Variants in ZNF106 observed in about 807,000 individuals in gnomAD.
ZNF106 encodes zinc finger protein 106.
Under a neutral mutation model 195.1 loss-of-function variants are expected in ZNF106, and 67 were observed. The ratio of observed to expected loss-of-function variants is 0.34; its 90% CI spans 0.28 to 0.42. ZNF106 has a LOEUF of 0.42. Among genes scored for constraint, ZNF106 ranks in the 10% least tolerant of loss-of-function variants. The pLI is 1.00. For synonymous variants in ZNF106, 784 were observed against 818.6 expected (o/e 0.96, Z 0.72); for missense variants, 2,118 against 2,304.5 (o/e 0.92, Z 1.66).
At chr15:42,476,760 A>G (rs936883186) in intron 1 of ZNF106, among the ~76,000 whole-genome samples, 11 of 152,124 alleles carry the variant, frequency 7.2e-5, no homozygotes, top group African/African-American at 2.7e-4. Context: ...TCTCAGGGGT[A>G]GCAGAGGCAG....
chr15:42,451,753 A>G lies in ZNF106; in HGVS notation c.519T>C (p.Ser173=). The change falls in exon 5 of 22, where the codon TCT becomes TCC. Residue 173 remains serine (S), a synonymous_variant. Transcript: ENST00000564754. The part of the protein sequence containing the change: ...NNTRKNSFPH[S]LRNGGGPRGR... ...CTCTTGGTCCACCACCATTCCTCAAAGAATGTGGAAAGCTGTTTTTCCTAG... is the reference window on the plus strand; with the variant it reads ...CTCTTGGTCCACCACCATTCCTCAAGGAATGTGGAAAGCTGTTTTTCCTAG... 1.2e-6 allele frequency: 2 copies of G among 1,614,214 alleles called. No individual in the cohort carries two copies. Among genetic ancestry groups the G allele is most frequent in the Middle Eastern group, 1.6e-4 (1 of 6,062 alleles).
At chr15:42,448,847 G>C in intron 5 of ZNF106, 142 bp from the exon 6 acceptor site, 1 of 750,094 alleles carries the variant, frequency 1.3e-6, no homozygotes, top group Non-Finnish European at 2.1e-6. Context: ...TCACAGTCTA[G>C]TCAGTGGTAC....
intron 1 of ZNF106, among the ~76,000 whole-genome samples, chr15:42,475,307 T>C (rs960783496): frequency 3.9e-5 from 6 of 152,152 alleles, no homozygotes; most frequent in African/African-American, 1.4e-4. Flanking sequence ...CTGGGTATGG[T>C]GGCACGTGCC....
chr15:42,452,555 C>T (rs1258418343), intron 4 of ZNF106, among the ~76,000 whole-genome samples: 2 of 151,884 alleles, frequency 1.3e-5, no homozygotes. Flanking sequence ...CATTTATATT[C>T]CCTCCCTTTC....
intron 18 of ZNF106, 35 bp from the exon 19 acceptor site, chr15:42,422,023 T>C: frequency 3.2e-6 from 5 of 1,552,118 alleles, no homozygotes; most frequent in Non-Finnish European, 4.4e-6. Context: ...ATTGAAGTTA[T>C]TTATACCTTG....
intron 14 of ZNF106, among the ~76,000 whole-genome samples, chr15:42,432,707 T>TA (rs36106729): frequency 0.015 from 1,911 of 123,976 alleles, 27 homozygotes; most frequent in East Asian, 0.045. Context: ...ACCGTATTTC[T>TA]AAAAAAAAAA....
At chr15:42,422,148 T>G (rs1324497937) in intron 18 of ZNF106, among the ~76,000 whole-genome samples, 160 bp from the exon 19 acceptor site, 1 of 152,172 alleles carries the variant, frequency 6.6e-6, no homozygotes, top group Non-Finnish European at 1.5e-5. Context: ...GCAATTTTTC[T>G]TTTACATTCT....
intron 20 of ZNF106, among the ~76,000 whole-genome samples, chr15:42,418,455 C>T (rs548009933): frequency 1.6e-4 from 24 of 151,188 alleles, no homozygotes; most frequent in South Asian, 6.3e-4. Flanking sequence ...GCCCCCTGCC[C>T]CCTGGGTTCA....
intron 10 of ZNF106, 199 bp downstream of exon 10, chr15:42,441,874 G>A: frequency 2.3e-6 from 1 of 429,916 alleles, no homozygotes; most frequent in Non-Finnish European, 4.1e-6. Flanking sequence ...GGAAATGAAA[G>A]AAAATGACTG....
At chr15:42,467,116 A>C (rs2056536484) in intron 2 of ZNF106, among the ~76,000 whole-genome samples, 1 of 152,184 alleles carries the variant, frequency 6.6e-6, no homozygotes, top group South Asian at 2.1e-4. Context: ...CTGGCGACAG[A>C]ACGAGACTCC....
At chr15:42,422,745 G>A in intron 17 of ZNF106, 125 bp from the exon 18 acceptor site, 10 of 943,848 alleles carry the variant, frequency 1.1e-5, no homozygotes, top group Non-Finnish European at 1.2e-5. Flanking sequence ...ACAATTAATT[G>A]TATTAACTGT....
chr15:42,437,207 C>A, intron 13 of ZNF106, 25 bp downstream of exon 13: 1 of 1,587,566 alleles, frequency 6.3e-7, no homozygotes, highest in Non-Finnish European at 8.6e-7. Flanking sequence ...CAACCAAAAA[C>A]ATTCTACATG....
At chr15:42,441,364 T>C (rs2055530585) in intron 10 of ZNF106, among the ~76,000 whole-genome samples, 1 of 151,644 alleles carries the variant, frequency 6.6e-6, no homozygotes, top group African/African-American at 2.4e-5. Context: ...AAGCTATATA[T>C]TTGATACTAA....
intron 15 of ZNF106, among the ~76,000 whole-genome samples, chr15:42,426,905 C>A (rs1030916404): frequency 1.3e-5 from 2 of 152,164 alleles, no homozygotes; most frequent in Admixed American, 6.5e-5. Context: ...ATCGAACAGA[C>A]CAAATCACTT....
At position 42,451,799 on chromosome 15, in the gene ZNF106, T is replaced by C; in HGVS notation, c.473A>G (p.Glu158Gly). 1.2e-6 allele frequency: 2 copies of C among 1,614,188 alleles called. No homozygotes were observed. The highest frequency in any genetic ancestry group is 8.5e-7 in the Non-Finnish European group (1 of 1,180,022). Reference protein sequence around the residue: ...RGPPQRDWKWEKDGFNNTRKN... With the variant: ...RGPPQRDWKWGKDGFNNTRKN... Reference sequence around the variant, plus strand: ...CCTAGTATTATTAAAGCCATCTTTTTCCCATTTCCAATCCCGCTGTGGAGG... The same window carrying C: ...CCTAGTATTATTAAAGCCATCTTTTCCCCATTTCCAATCCCGCTGTGGAGG... Residue 158 changes from glutamate (E) to glycine (G), a missense_variant, in exon 5 of 22, where the codon GAA (glutamate) becomes GGA (glycine). By Grantham distance (98) the Glu-to-Gly change is moderately conservative (BLOSUM62 -2). Transcript: ENST00000564754.
chr15:42,449,708 A>G (rs2141353596), intron 5 of ZNF106, 63 bp downstream of exon 5: 1 of 1,523,292 alleles, frequency 6.6e-7, no homozygotes, highest in Admixed American at 2.2e-5. Context: ...TCTCTTGATC[A>G]GGGTCAAAGG....
intron 1 of ZNF106, among the ~76,000 whole-genome samples, chr15:42,476,057 T>C (rs2056779777): frequency 6.6e-6 from 1 of 152,200 alleles, no homozygotes; most frequent in Non-Finnish European, 1.5e-5. Context: ...ATATCAACCT[T>C]TTAACCAAAG....
chr15:42,439,064 C>T lies in ZNF106; in HGVS notation c.4513G>A (p.Gly1505Ser). The part of the protein sequence containing the change: ...CDEVSSTSEI[G>S]TRYKDGIPVS... ...GGGATGCCATCTTTATAGCGAGTGC[C>T]AATTTCACTGGTAGAGCTAACTTCA... is the stretch of plus-strand genomic sequence containing the variant. Residue 1505 changes from glycine (G) to serine (S), a missense_variant, in exon 11 of 22, where the codon GGC (glycine) becomes AGC (serine). Coordinates refer to ENST00000564754, the MANE Select transcript of ZNF106 (RefSeq NM_001366845.3). The T allele has an allele frequency of 6.2e-7, 1 of 1,613,854 alleles. No individual in the cohort carries two copies. The highest frequency in any genetic ancestry group is 8.5e-7 in the Non-Finnish European group (1 of 1,179,892).
At chr15:42,422,038 TAATA>T (rs1566994683) in intron 18 of ZNF106, 50 bp from the exon 19 acceptor site, 2 of 1,511,280 alleles carry the variant, frequency 1.3e-6, no homozygotes, top group Non-Finnish European at 1.8e-6. Context: ...ACCTTGCGTT[TAATA>T]AGTACAGTCC....
Sources: gnomAD v4.1 joint callset for allele counts (sites outside exome capture counted in the v4.1 genomes callset) on GRCh38, gnomAD v4.1.1 for gene constraint, MANE v1.5 for transcripts, NCBI Gene and HGNC (gene_info 2026-07-23, HGNC 2026-07-21) for gene names.